The following SRGAP3 variants were observed in gnomAD, a reference collection of about 807,000 sequenced individuals.
SRGAP3 encodes SLIT-ROBO Rho GTPase activating protein 3.
A neutral mutation model predicts 121.1 loss-of-function variants in SRGAP3; 39 were observed. The observed-to-expected ratio is 0.32, with a 90% confidence interval of 0.25 to 0.42. The LOEUF is 0.42. SRGAP3 is among the 10% of genes least tolerant of loss of function. The probability of loss-of-function intolerance (pLI) is 1.00; values close to 1 mark genes in which losing one functional copy is unlikely to be tolerated. For missense variants in SRGAP3, 1,213 were observed against 1,470.6 expected, an observed-to-expected ratio of 0.82 and a Z score of 2.86; for synonymous variants, 601 against 570.0, an observed-to-expected ratio of 1.05 and a Z score of -0.77.
In SRGAP3 at chr3:9,081,379, C is replaced by G. The variant is rs953561047; in HGVS notation, c.424-1292G>C. On this transcript the variant is annotated intron_variant, in intron 3 of 21. Coordinates refer to ENST00000383836, the MANE Select transcript of SRGAP3 (RefSeq NM_014850.4). ...GCACAAGGCAAAAGATCTAGCTTCT[C>G]ATTTCCACTGTTGGCTGTGTGGCCT... 19 of 435,416 alleles carry G rather than the reference C, an allele frequency of 4.4e-5. No individual in the cohort carries two copies. In the East Asian group the frequency reaches 1.3e-3, roughly 30 times the overall value. The allele number at this position is 435,416 out of a possible 1,614,324, so 27.0% of individuals were successfully genotyped here. A position where few individuals can be genotyped will look rare whatever the true frequency, so the allele number is the denominator to read the frequency against.
At position 9,182,175 on chromosome 3, in the gene SRGAP3, C is replaced by CAAAA. The variant is rs34305216; in HGVS notation, c.68-57262_68-57259dup. Among the ~76,000 whole-genome samples the CAAAA allele has an allele frequency of 3.0e-3, 110 of 37,280 alleles. 16 individuals carry two copies. Among genetic ancestry groups the CAAAA allele is most frequent in the African/African-American group, 0.014 (98 of 7,126 alleles). 24.5% of individuals were successfully genotyped at this position (37,280 alleles called of 152,430 possible). A position where few individuals can be genotyped will look rare whatever the true frequency, so the allele number is the denominator to read the frequency against. The stretch of plus-strand genomic sequence containing the variant: ...TGGATGACAGAGCAAGACTCTGTCT[C>CAAAA]AAAAAAAAAAAAAAAAAAAAAAAAA... On this transcript the variant is annotated intron_variant, in intron 1 of 21. Transcript: ENST00000383836.
intron 1 of SRGAP3, among the ~76,000 whole-genome samples, chr3:9,168,961 C>T (rs948540151): frequency 6.6e-6 from 1 of 152,256 alleles, no homozygotes; most frequent in Non-Finnish European, 1.5e-5. Context: ...CCAACAGTCA[C>T]AGCTCTGCAC....
At chr3:9,069,466 G>A (rs539795728) in intron 4 of SRGAP3, among the ~76,000 whole-genome samples, 1 of 152,316 alleles carries the variant, frequency 6.6e-6, no homozygotes, top group South Asian at 2.1e-4. Flanking sequence ...TCCACTTGAT[G>A]CCAGGGAAGG....
intron 3 of SRGAP3, among the ~76,000 whole-genome samples, chr3:9,101,206 C>T (rs386423): frequency 0.34 from 51,332 of 152,142 alleles, 9,540 homozygotes; most frequent in Non-Finnish European, 0.43. Context: ...CGTACAGCTG[C>T]TGTAGAGGAT....
At chr3:9,099,513 C>T (rs1392209971) in intron 3 of SRGAP3, among the ~76,000 whole-genome samples, 1 of 152,212 alleles carries the variant, frequency 6.6e-6, no homozygotes, top group Non-Finnish European at 1.5e-5. Flanking sequence ...TGCAGACTGA[C>T]CCTCCCACCT....
At chr3:9,193,065 T>C (rs943178784) in intron 1 of SRGAP3, 2 of 151,876 alleles carry the variant, frequency 1.3e-5, no homozygotes, top group Non-Finnish European at 1.5e-5. Flanking sequence ...AGACAGAAAA[T>C]AGATACAACA....
chr3:9,130,010 C>T (rs760749059), intron 1 of SRGAP3, among the ~76,000 whole-genome samples: 2 of 152,158 alleles, frequency 1.3e-5, no homozygotes, highest in Non-Finnish European at 1.5e-5. Flanking sequence ...GATCTGCCCA[C>T]CTCGGCCTCC....
At chr3:9,029,116 C>T (rs529149355) in intron 12 of SRGAP3, among the ~76,000 whole-genome samples, 3 of 152,276 alleles carry the variant, frequency 2.0e-5, no homozygotes, top group Middle Eastern at 3.4e-3. Context: ...CTACCAGAAT[C>T]CCAGAACTGA....
At chr3:9,011,643 G>C (rs1192009603) in intron 17 of SRGAP3, among the ~76,000 whole-genome samples, 3 of 152,144 alleles carry the variant, frequency 2.0e-5, no homozygotes, top group Admixed American at 2.0e-4. Flanking sequence ...CCCACTTCTG[G>C]AGCCATTTGT....
intron 3 of SRGAP3, among the ~76,000 whole-genome samples, chr3:9,318,410 T>C (rs1273658746): frequency 6.6e-6 from 1 of 151,718 alleles, no homozygotes; most frequent in East Asian, 1.9e-4. Context: ...TATATCTGCT[T>C]TCATCACACC....
intron 3 of SRGAP3, among the ~76,000 whole-genome samples, chr3:9,292,323 G>T (rs549837913): frequency 6.6e-6 from 1 of 152,280 alleles, no homozygotes. Context: ...GCTGTTGATT[G>T]AGACCACACG....
intron 1 of SRGAP3, among the ~76,000 whole-genome samples, chr3:9,232,042 C>A (rs923941341): frequency 5.3e-5 from 8 of 152,228 alleles, no homozygotes; most frequent in Non-Finnish European, 1.2e-4. Flanking sequence ...TTCCACTCTT[C>A]TACCCATATT....
Position 9,239,401 on chromosome 3 carries a change from G to A in SRGAP3, c.67+9484C>T, listed in dbSNP as rs1347682791. Among the ~76,000 whole-genome samples the A allele has an allele frequency of 2.0e-5, 3 of 152,168 alleles. No individual in the cohort carries two copies. Among genetic ancestry groups the A allele is most frequent in the Non-Finnish European group, 4.4e-5 (3 of 68,026 alleles). On this transcript the variant is annotated intron_variant, in intron 1 of 21. Coordinates refer to ENST00000383836, the MANE Select transcript of SRGAP3 (RefSeq NM_014850.4). This position sits in a 1 kb window ranked among gnomAD's most constrained non-coding sequence, Gnocchi z 4.0. Reference sequence around the variant, plus strand: ...TCTCAAAAAAACAAAAGATAGAGATGTGAAATGGAGACTGAGTCACCAAGA... The same window carrying A: ...TCTCAAAAAAACAAAAGATAGAGATATGAAATGGAGACTGAGTCACCAAGA...
intron 12 of SRGAP3, among the ~76,000 whole-genome samples, chr3:9,030,808 GTC>G (rs771370336): frequency 1.5e-4 from 23 of 152,180 alleles, no homozygotes; most frequent in Non-Finnish European, 2.8e-4. Flanking sequence ...GGATGTCCCT[GTC>G]TCTGAGCCTT....
intron 2 of SRGAP3, among the ~76,000 whole-genome samples, 193 bp from the exon 3 acceptor site, chr3:9,105,035 G>T (rs1948368940): frequency 6.6e-6 from 1 of 152,214 alleles, no homozygotes; most frequent in African/African-American, 2.4e-5. Context: ...GACCAGCACT[G>T]GGGCCAGAAC....
chr3:9,011,838 C>G (rs1480043067), intron 17 of SRGAP3, among the ~76,000 whole-genome samples: 2 of 152,108 alleles, frequency 1.3e-5, no homozygotes, highest in African/African-American at 4.8e-5. Context: ...CCAAAATTAC[C>G]ATGTAATTAA....
At chr3:9,080,003 A>T in intron 4 of SRGAP3, 22 bp downstream of exon 4, 1 of 1,613,982 alleles carries the variant, frequency 6.2e-7, no homozygotes, top group Non-Finnish European at 8.5e-7. Context: ...CCAAAACAGC[A>T]GTGAGCCTGG....
At chr3:9,260,853 AG>A (rs1954239397) in intron 3 of SRGAP3, among the ~76,000 whole-genome samples, 1 of 152,216 alleles carries the variant, frequency 6.6e-6, no homozygotes. Flanking sequence ...AGCTCTGCTA[AG>A]GGACAGACTG....
intron 3 of SRGAP3, among the ~76,000 whole-genome samples, chr3:9,271,809 C>A (rs192672585): frequency 1.6e-4 from 24 of 152,326 alleles, no homozygotes; most frequent in Admixed American, 1.4e-3. Context: ...ACACCTCTGT[C>A]CTGTCTCAAG....
Sources: gnomAD v4.1 joint callset for allele counts (sites outside exome capture counted in the v4.1 genomes callset) on GRCh38, gnomAD v4.1.1 for gene constraint, Gnocchi (gnomAD v3.1) non-coding constraint, MANE v1.5 for transcripts, NCBI Gene and HGNC (gene_info 2026-07-23, HGNC 2026-07-21) for gene names.